Variants in MMUT observed in about 807,000 individuals in gnomAD.
MMUT encodes methylmalonyl-CoA mutase.
A neutral mutation model predicts 79.9 loss-of-function variants in MMUT; 79 were observed. That is an observed-to-expected ratio of 0.99 (90% confidence interval 0.82 to 1.19). The LOEUF (loss-of-function observed/expected upper bound fraction) is 1.19, where lower values mean the gene tolerates loss of function less well. Among genes scored for constraint, MMUT ranks in the 50% most tolerant of loss-of-function variants. The pLI, the probability that MMUT is intolerant of heterozygous loss-of-function variation, is 0.00. For missense variants in MMUT, 860 were observed against 917.2 expected (o/e 0.94, Z 0.81); for synonymous variants, 273 against 295.7 (o/e 0.92, Z 0.79).
At position 49,431,725 on chromosome 6, in the gene MMUT, A is replaced by G. The variant is rs766839518; in HGVS notation, c.*3T>C. On this transcript the variant is annotated 3_prime_UTR_variant, in exon 13 of 13. Coordinates refer to ENST00000274813, the MANE Select transcript of MMUT (RefSeq NM_000255.4). The stretch of plus-strand genomic sequence containing the variant: ...AGACAAAAGCTAAAACAAAAAGAGG[A>G]TATTATACAGATTGCTGCTTCTTTT... 21 of 1,613,124 alleles carry G rather than the reference A, an allele frequency of 1.3e-5. No homozygotes were observed. In the Admixed American group the frequency reaches 3.2e-4, roughly 24 times the overall value.
rs752705830 is a variant in MMUT, at chr6:49,435,498, C to T, written c.2082G>A (p.Arg694=). 11 of 1,613,988 alleles carry T rather than the reference C, an allele frequency of 6.8e-6. No homozygotes were observed. In the East Asian group the frequency reaches 2.2e-4, roughly 33 times the overall value. The change falls in exon 12 of 13, where the codon CGG becomes CGA. Residue 694 remains arginine, a synonymous_variant. Transcript: ENST00000274813. ...CTCCACACATGACAAGAATATCTGGCCGTCCAAGGGAGTTAAGTTCTTTGA... is the reference window on the plus strand; with the variant it reads ...CTCCACACATGACAAGAATATCTGGTCGTCCAAGGGAGTTAAGTTCTTTGA... ...ELIKELNSLG[R]PDILVMCGGV... is the part of the protein sequence containing the mutation.
In MMUT at chr6:49,431,731, T is replaced by A. The variant is rs774736275; in HGVS notation, c.2250A>T (p.Val750=). 39 of 1,613,688 alleles carry A rather than the reference T, an allele frequency of 2.4e-5. No homozygotes were observed. Among genetic ancestry groups the A allele is most frequent in the Non-Finnish European group, 3.2e-5 (38 of 1,179,662 alleles). ...AAGCTAAAACAAAAAGAGGATATTATACAGATTGCTGCTTCTTTTCCAAAC... is the reference window on the plus strand; with the variant it reads ...AAGCTAAAACAAAAAGAGGATATTAAACAGATTGCTGCTTCTTTTCCAAAC... ...EKCLEKKQQS[V] Residue 750 remains valine (V), a synonymous_variant, in exon 13 of 13, where the codon GTA becomes GTT. Coordinates refer to ENST00000274813, the MANE Select transcript of MMUT (RefSeq NM_000255.4).
intron 1 of MMUT, among the ~76,000 whole-genome samples, chr6:49,461,577 T>C (rs1250416163): frequency 1.3e-5 from 2 of 152,128 alleles, no homozygotes; most frequent in Non-Finnish European, 2.9e-5. Flanking sequence ...AAGACCAGCC[T>C]GGCCAACACG....
At chr6:49,437,671 C>G (rs1274766635) in intron 11 of MMUT, among the ~76,000 whole-genome samples, 1 of 152,022 alleles carries the variant, frequency 6.6e-6, no homozygotes, top group East Asian at 1.9e-4. Context: ...TGTAAGTAGT[C>G]CCTCCATTAA....
In MMUT at chr6:49,440,264, A is replaced by C. The variant is rs200055428; in HGVS notation, c.1898T>G (p.Val633Gly). 3 of 1,613,950 alleles carry C rather than the reference A, an allele frequency of 1.9e-6. No homozygotes were observed. Among genetic ancestry groups the C allele is most frequent in the Non-Finnish European group, 2.5e-6 (3 of 1,179,972 alleles). The change falls in exon 11 of 13, where the codon GTT (valine) becomes GGT (glycine). Residue 633 changes from valine (V) to glycine (G), a missense_variant. Transcript: ENST00000274813. ...GQDGHDRGAK[V>G]IATGFADLGF... ...AAGATCAGCAAATCCTGTAGCAATA[A>C]CTTTTGCTCCTCTGTCATGGCCATC... is the stretch of plus-strand genomic sequence containing the variant.
chr6:49,458,358 T>C (rs150693322), intron 2 of MMUT, among the ~76,000 whole-genome samples: 3 of 152,350 alleles, frequency 2.0e-5, no homozygotes, highest in African/African-American at 7.2e-5. Context: ...TGGTACTTGA[T>C]TGAAATATTT....
intron 10 of MMUT, among the ~76,000 whole-genome samples, chr6:49,440,729 T>A (rs962062739): frequency 1.3e-5 from 2 of 152,180 alleles, no homozygotes; most frequent in Non-Finnish European, 2.9e-5. Context: ...GTCTGAAAGA[T>A]GGCACAGACT....
At position 49,457,811 on chromosome 6, in the gene MMUT, C is replaced by A. The variant is rs759014887; in HGVS notation, c.633G>T (p.Glu211Asp). Residue 211 changes from glutamate (E) to aspartate (D), a missense_variant, in exon 3 of 13, where the codon GAG becomes GAT. Physicochemically the swap from Glu to Asp is conservative, Grantham distance 45. Coordinates refer to ENST00000274813, the MANE Select transcript of MMUT (RefSeq NM_000255.4). ...CATTTTGGATGGTACCAGTAAGCTT[C>A]TCTTTAGGTACACCTTGTTCTTCTC... ...VTGEEQGVPK[E>D]KLTGTIQNDI... 1 of 1,613,344 alleles carries A rather than the reference C, an allele frequency of 6.2e-7. No homozygotes were observed. The highest frequency in any genetic ancestry group is 1.3e-5 in the African/African-American group (1 of 74,874).
At chr6:49,453,848 G>T in intron 4 of MMUT, 92 bp from the exon 5 acceptor site, 2 of 1,095,844 alleles carry the variant, frequency 1.8e-6, no homozygotes, top group South Asian at 1.3e-5. Context: ...AGAAAATCAA[G>T]GTCTATATTT....
intron 4 of MMUT, 35 bp from the exon 5 acceptor site, chr6:49,453,791 A>G (rs544856099): frequency 1.2e-5 from 19 of 1,550,668 alleles, no homozygotes; most frequent in Non-Finnish European, 1.7e-5. Context: ...AATTTAATTA[A>G]AGTTAACAAT....
At chr6:49,439,598 C>G (rs1008593010) in intron 11 of MMUT, among the ~76,000 whole-genome samples, 1 of 152,102 alleles carries the variant, frequency 6.6e-6, no homozygotes, top group Non-Finnish European at 1.5e-5. Flanking sequence ...GTAACACATT[C>G]CAAATGAGGA....
At chr6:49,460,442 C>A (rs1003963579) in intron 1 of MMUT, among the ~76,000 whole-genome samples, 3 of 152,166 alleles carry the variant, frequency 2.0e-5, no homozygotes, top group African/African-American at 7.2e-5. Flanking sequence ...TACTTCTGTG[C>A]TAGTTTATAA....
chr6:49,447,387 G>C (rs1216639887), intron 8 of MMUT, among the ~76,000 whole-genome samples: 1 of 151,736 alleles, frequency 6.6e-6, no homozygotes, highest in Non-Finnish European at 1.5e-5. Flanking sequence ...TATTATTGTA[G>C]TGTGGTTTTT....
intron 12 of MMUT, among the ~76,000 whole-genome samples, chr6:49,434,327 T>G (rs1179826492): frequency 6.6e-6 from 1 of 152,208 alleles, no homozygotes; most frequent in African/African-American, 2.4e-5. Flanking sequence ...AATAAATATG[T>G]AGTTTGTTCA....
At position 49,431,312 on chromosome 6, in the gene MMUT, AT is replaced by A. The variant is rs1766966453; in HGVS notation, c.*415del. On this transcript the variant is annotated 3_prime_UTR_variant, in exon 13 of 13. Coordinates refer to ENST00000274813, the MANE Select transcript of MMUT (RefSeq NM_000255.4). Reference sequence around the variant, plus strand: ...AAGATAGGTTTTTATTAATATATGGATTTTATTTTCTGGTGCTCAAGACAAT... The same window carrying A: ...AAGATAGGTTTTTATTAATATATGGATTTATTTTCTGGTGCTCAAGACAAT... 6.5e-6 allele frequency: 1 copy of A among 153,982 alleles called. No individual in the cohort carries two copies. The highest frequency in any genetic ancestry group is 6.5e-5 in the Admixed American group (1 of 15,406). The allele number at this position is 153,982 out of a possible 1,614,324, so 9.5% of individuals were successfully genotyped here. A position where few individuals can be genotyped will look rare whatever the true frequency, so the allele number is the denominator to read the frequency against.
chr6:49,458,299 G>C (rs1767747999), intron 2 of MMUT, among the ~76,000 whole-genome samples: 1 of 152,066 alleles, frequency 6.6e-6, no homozygotes, highest in African/African-American at 2.4e-5. Context: ...CTAAAGGAAA[G>C]AATGGGAGAA....
At chr6:49,438,759 G>T (rs1315324281) in intron 11 of MMUT, among the ~76,000 whole-genome samples, 1 of 151,942 alleles carries the variant, frequency 6.6e-6, no homozygotes, top group Admixed American at 6.6e-5. Flanking sequence ...AATCTGGGTG[G>T]GCACCATCTA....
chr6:49,447,094 T>C (rs1045184264), intron 8 of MMUT, among the ~76,000 whole-genome samples: 7 of 151,780 alleles, frequency 4.6e-5, no homozygotes, highest in South Asian at 2.1e-4. Context: ...AGTGACAAAC[T>C]AAAAATAAGA....
chr6:49,435,242 T>C (rs2127413255), intron 12 of MMUT, among the ~76,000 whole-genome samples: 1 of 152,350 alleles, frequency 6.6e-6, no homozygotes, highest in South Asian at 2.1e-4. Flanking sequence ...ATTGAAGCTT[T>C]GTAAAGTGTT....
Sources: allele counts gnomAD v4.1 joint callset (sites outside exome capture counted in the v4.1 genomes callset), GRCh38; gene constraint gnomAD v4.1.1; transcripts MANE v1.5; gene names NCBI Gene and HGNC (gene_info 2026-07-23, HGNC 2026-07-21).